Variants in RBFOX1 observed in about 807,000 individuals in gnomAD.
RBFOX1 encodes the protein RNA binding protein fox-1 homolog 1.
RBFOX1 carries 8 observed loss-of-function variants against 57.7 expected under a neutral mutation model. That is an observed-to-expected ratio of 0.14 (90% CI 0.08 to 0.25). The LOEUF (loss-of-function observed/expected upper bound fraction) is 0.25. Among genes scored for constraint, RBFOX1 ranks in the 10% least tolerant of loss-of-function variants. The probability of loss-of-function intolerance (pLI) is 1.00; values close to 1 mark genes in which losing one functional copy is unlikely to be tolerated. For synonymous variants in RBFOX1, 326 were observed against 222.4 expected (o/e 1.47, Z -4.15); for missense variants, 611 against 548.5 (o/e 1.11, Z -1.14).
intron 14 of RBFOX1, among the ~76,000 whole-genome samples, chr16:7,681,573 G>T (rs184765365): frequency 6.6e-6 from 1 of 152,044 alleles, no homozygotes; most frequent in Non-Finnish European, 1.5e-5. Context: ...CTTATCCGAT[G>T]ATATATACTA....
intron 3 of RBFOX1, among the ~76,000 whole-genome samples, chr16:6,737,359 T>G (rs1477131267): frequency 2.1e-5 from 3 of 143,150 alleles, no homozygotes. Flanking sequence ...TTTTATCTGT[T>G]GTTTAATTAT....
chr16:5,474,999 C>A (rs933444340), intron 2 of RBFOX1, among the ~76,000 whole-genome samples: 1 of 152,122 alleles, frequency 6.6e-6, no homozygotes, highest in Admixed American at 6.5e-5. Flanking sequence ...TCCATTCTTT[C>A]TTTGGTTCCG....
intron 1 of RBFOX1, among the ~76,000 whole-genome samples, chr16:5,359,805 G>A (rs1222521619): frequency 6.6e-6 from 1 of 152,074 alleles, no homozygotes; most frequent in African/African-American, 2.4e-5. Flanking sequence ...TCATAGTTTA[G>A]CATTTAACAG....
At chr16:5,616,841 C>T (rs891065841) in intron 3 of RBFOX1, among the ~76,000 whole-genome samples, 2 of 150,180 alleles carry the variant, frequency 1.3e-5, no homozygotes, top group African/African-American at 4.9e-5. Context: ...CTTTCTTCTC[C>T]TCCTTTGCTC....
intron 2 of RBFOX1, among the ~76,000 whole-genome samples, chr16:6,617,096 C>G (rs563281837): frequency 1.3e-5 from 2 of 151,946 alleles, no homozygotes; most frequent in South Asian, 4.2e-4. Flanking sequence ...GGTGCTTTGG[C>G]CCACCACGAA....
chr16:6,773,236 TTG>T (rs1214111066), intron 3 of RBFOX1, among the ~76,000 whole-genome samples: 13 of 60,702 alleles, frequency 2.1e-4, no homozygotes, highest in African/African-American at 4.2e-4. Flanking sequence ...TGGGGTGCAT[TTG>T]TGTGTGTGTG....
intron 3 of RBFOX1, among the ~76,000 whole-genome samples, chr16:5,693,339 A>C (rs2050749696): frequency 6.8e-6 from 1 of 147,240 alleles, no homozygotes; most frequent in African/African-American, 2.5e-5. Context: ...AAATAGTATG[A>C]CTATTTTAAA....
At chr16:7,072,728 C>T (rs1302706420) in intron 4 of RBFOX1, among the ~76,000 whole-genome samples, 3 of 152,186 alleles carry the variant, frequency 2.0e-5, no homozygotes, top group African/African-American at 7.2e-5. Context: ...ATATATGAAG[C>T]ATCATTTTCA....
At position 6,231,842 on chromosome 16, in the gene RBFOX1, T is replaced by G. The variant is rs1290494884; in HGVS notation, c.-126-85153T>G. Among the ~76,000 whole-genome samples the G allele has an allele frequency of 1.5e-4, 22 of 151,108 alleles. 1 individual carries two copies. Among genetic ancestry groups the G allele is most frequent in the Middle Eastern group, 3.4e-3 (1 of 292 alleles). On this transcript the variant is annotated intron_variant, in intron 1 of 15. Transcript: ENST00000550418. ...TCTGTAGCTTTCCAGTTTTTTTTTT[T>G]TTTTTTTTTTGTCCTGGTATTTTAA...
intron 4 of RBFOX1, among the ~76,000 whole-genome samples, chr16:7,424,088 G>A (rs1009171093): frequency 1.3e-5 from 2 of 152,232 alleles, no homozygotes; most frequent in African/African-American, 4.8e-5. Flanking sequence ...TTTATTCTGA[G>A]TCTCTTTTTT....
intron 3 of RBFOX1, among the ~76,000 whole-genome samples, chr16:6,781,093 A>G (rs948280440): frequency 4.6e-5 from 7 of 152,092 alleles, no homozygotes; most frequent in African/African-American, 1.4e-4. Context: ...AAGCATTTCC[A>G]CAGTGTTTTC....
chr16:7,610,279 C>G (rs1487288787), intron 10 of RBFOX1, among the ~76,000 whole-genome samples: 1 of 151,732 alleles, frequency 6.6e-6, no homozygotes, highest in African/African-American at 2.4e-5. Flanking sequence ...ACCACCATGC[C>G]CGGATCATTT....
intron 2 of RBFOX1, among the ~76,000 whole-genome samples, chr16:6,381,128 C>T (rs1057045496): frequency 6.6e-6 from 1 of 152,100 alleles, no homozygotes. Flanking sequence ...AAGAATTTGT[C>T]TGAGAGCTGG....
In RBFOX1 at chr16:5,545,211, C is replaced by T. The variant is rs112385681; in HGVS notation, c.259-53691C>T. Among the ~76,000 whole-genome samples the T allele has an allele frequency of 7.9e-5, 12 of 152,248 alleles. 1 individual carries two copies. The highest frequency in any genetic ancestry group is 2.9e-4 in the African/African-American group (12 of 41,538). On this transcript the variant is annotated intron_variant, in intron 2 of 2. Coordinates refer to the RBFOX1 transcript ENST00000585867. ...CAGGCTGGTCTTGAAACCTTGACCT[C>T]AGGTGATCCAACCGCCTTGGCCTCC... is the stretch of plus-strand genomic sequence containing the variant.
chr16:7,569,230 A>T (rs185310781), intron 5 of RBFOX1, among the ~76,000 whole-genome samples: 156 of 152,140 alleles, frequency 1.0e-3, no homozygotes, highest in African/African-American at 3.6e-3. Context: ...TCCACAACAC[A>T]AGTATATTAG....
rs868484366 is a variant in RBFOX1 at position 7,029,065 on chromosome 16, T to C, written c.-15-22992T>C. Reference sequence around the variant, plus strand: ...AAAAAGCTATATATATATATATATATATATATATATATATATACACACACA... The same window carrying C: ...AAAAAGCTATATATATATATATATACATATATATATATATATACACACACA... On this transcript the variant is annotated intron_variant, in intron 3 of 15. Coordinates refer to ENST00000550418, the MANE Select transcript of RBFOX1 (RefSeq NM_018723.4). Among the ~76,000 whole-genome samples the C allele has an allele frequency of 4.3e-3, 103 of 23,706 alleles. 1 individual carries two copies. The highest frequency in any genetic ancestry group is 5.9e-3 in the Non-Finnish European group (81 of 13,770). 15.6% of individuals were successfully genotyped at this position (23,706 alleles called of 152,430 possible). A position where few individuals can be genotyped will look rare whatever the true frequency, so the allele number is the denominator to read the frequency against.
intron 3 of RBFOX1, among the ~76,000 whole-genome samples, chr16:6,981,052 A>AAAAAAAAAAAAAAAAAAAAAAAT (rs2088677008): frequency 6.6e-6 from 1 of 151,098 alleles, no homozygotes; most frequent in African/African-American, 2.4e-5. Context: ...CAAAAAAAAA[A>AAAAAAAAAAAAAAAAAAAAAAAT]AAAAAAACAC....
chr16:5,337,687 G>C (rs2064932287), intron 1 of RBFOX1, among the ~76,000 whole-genome samples: 2 of 152,248 alleles, frequency 1.3e-5, no homozygotes, highest in Admixed American at 1.3e-4. Context: ...AAATCTGGAA[G>C]AGGTGAATCC....
chr16:6,367,036 A>C (rs2089734340), intron 2 of RBFOX1, among the ~76,000 whole-genome samples: 1 of 152,030 alleles, frequency 6.6e-6, no homozygotes, highest in Non-Finnish European at 1.5e-5. Context: ...GCTTCACACT[A>C]TTTTCTTCCT....
Sources: gnomAD v4.1 joint callset for allele counts (sites outside exome capture counted in the v4.1 genomes callset) on GRCh38, gnomAD v4.1.1 for gene constraint, MANE v1.5 for transcripts, NCBI Gene and HGNC (gene_info 2026-07-23, HGNC 2026-07-21) for gene names.